Variants in ASIC2 observed in about 807,000 individuals in gnomAD.
ASIC2 encodes the protein acid-sensing ion channel 2.
ASIC2 carries 25 observed loss-of-function variants against 57.3 expected under a neutral mutation model. That is an observed-to-expected ratio of 0.44 (90% CI 0.32 to 0.61). The LOEUF is 0.61. ASIC2 is among the 20% of genes least tolerant of loss of function. The probability of loss-of-function intolerance (pLI) is 0.06; values close to 1 mark genes in which losing one functional copy is unlikely to be tolerated. For synonymous variants in ASIC2, 319 were observed against 307.5 expected (o/e 1.04, Z -0.39); for missense variants, 641 against 738.1 (o/e 0.87, Z 1.52).
chr17:34,154,300 C>T (rs995854497), intron 1 of ASIC2, among the ~76,000 whole-genome samples: 1 of 152,222 alleles, frequency 6.6e-6, no homozygotes, highest in African/African-American at 2.4e-5. Flanking sequence ...CCTCAAGCCA[C>T]CTAAGACATC....
intron 1 of ASIC2, among the ~76,000 whole-genome samples, chr17:33,477,947 A>C (rs1913283000): frequency 6.6e-6 from 1 of 152,218 alleles, no homozygotes; most frequent in Admixed American, 6.5e-5. Flanking sequence ...TGGTTGGAAA[A>C]GTAGCCTGGG....
In ASIC2 at chr17:33,292,875, C is replaced by G; in HGVS notation, c.-760G>C. 4 of 985,542 alleles carry G rather than the reference C, an allele frequency of 4.1e-6. No individual in the cohort carries two copies. Among genetic ancestry groups the G allele is most frequent in the Non-Finnish European group, 4.8e-6 (4 of 829,996 alleles). The allele number at this position is 985,542 out of a possible 1,614,324, so 61.0% of individuals were successfully genotyped here. Reference sequence around the variant, plus strand: ...CTAAGTCCTGCCAGGCGCCCGCTCTCGCCTGGGGCTGAGAGCTTCTCAGGG... The same window carrying G: ...CTAAGTCCTGCCAGGCGCCCGCTCTGGCCTGGGGCTGAGAGCTTCTCAGGG... On this transcript the variant is annotated 5_prime_UTR_variant, in exon 1 of 10. Transcript: ENST00000225823.
chr17:33,096,256 A>G (rs2092178959), intron 2 of ASIC2, among the ~76,000 whole-genome samples: 2 of 152,194 alleles, frequency 1.3e-5, no homozygotes, highest in Admixed American at 1.3e-4. Flanking sequence ...TAAGGACAAG[A>G]CCCAGAGCTG....
intron 1 of ASIC2, among the ~76,000 whole-genome samples, chr17:33,902,611 C>A (rs1444357649): frequency 2.0e-5 from 3 of 152,274 alleles, no homozygotes; most frequent in Admixed American, 2.0e-4. Flanking sequence ...CGGGCTGGGG[C>A]AGGTTCCAGG....
chr17:33,847,384 C>T (rs1597900701), intron 1 of ASIC2, among the ~76,000 whole-genome samples: 1 of 152,040 alleles, frequency 6.6e-6, no homozygotes, highest in East Asian at 1.9e-4. Flanking sequence ...GGGGAACAGG[C>T]CTTGCAGACA....
At chr17:33,347,735 C>T (rs1908007328) in intron 1 of ASIC2, among the ~76,000 whole-genome samples, 1 of 152,066 alleles carries the variant, frequency 6.6e-6, no homozygotes, top group Non-Finnish European at 1.5e-5. Context: ...CAACATTTTT[C>T]AAAGGTGATG....
At chr17:33,089,987 A>C (rs1295412049) in intron 2 of ASIC2, among the ~76,000 whole-genome samples, 1 of 152,192 alleles carries the variant, frequency 6.6e-6, no homozygotes, top group East Asian at 1.9e-4. Context: ...AACAGTCTAC[A>C]GAATGAGCTC....
chr17:34,046,793 G>T (rs1478082827), intron 1 of ASIC2, among the ~76,000 whole-genome samples: 1 of 152,150 alleles, frequency 6.6e-6, no homozygotes, highest in Non-Finnish European at 1.5e-5. Flanking sequence ...GATTGTAAAA[G>T]AAGAGTAATA....
At chr17:34,142,904 T>G (rs910465345) in intron 1 of ASIC2, 2 of 152,200 alleles carry the variant, frequency 1.3e-5, no homozygotes, top group Admixed American at 1.3e-4. Context: ...AGCCCACTAG[T>G]TGGCAACTTG....
intron 1 of ASIC2, among the ~76,000 whole-genome samples, chr17:33,837,698 A>G (rs1311301585): frequency 2.0e-5 from 3 of 152,138 alleles, no homozygotes; most frequent in Non-Finnish European, 4.4e-5. Context: ...CATTCTCTAC[A>G]GGGCTTAAAT....
At chr17:33,173,551 C>T (rs538005013) in intron 1 of ASIC2, among the ~76,000 whole-genome samples, 34 of 152,258 alleles carry the variant, frequency 2.2e-4, no homozygotes, top group African/African-American at 7.2e-4. Flanking sequence ...AAAGAAAGTG[C>T]CACCCATGGC....
chr17:33,298,267 TC>T (rs113743144), upstream of ASIC2, among the ~76,000 whole-genome samples: 56 of 152,030 alleles, frequency 3.7e-4, no homozygotes, highest in African/African-American at 1.3e-3. Context: ...CCTCCCCACT[TC>T]CCCCACCCCA....
intron 1 of ASIC2, among the ~76,000 whole-genome samples, chr17:33,124,863 C>T (rs2092317041): frequency 6.6e-6 from 1 of 152,154 alleles, no homozygotes; most frequent in Admixed American, 6.5e-5. Flanking sequence ...ACTAGACAGT[C>T]CTATCTGGGG....
At chr17:33,212,352 T>C (rs934340597) in intron 1 of ASIC2, among the ~76,000 whole-genome samples, 1 of 152,078 alleles carries the variant, frequency 6.6e-6, no homozygotes, top group South Asian at 2.1e-4. Flanking sequence ...GCACCTACGA[T>C]GGAAGCAAAG....
At chr17:33,381,222 G>A (rs931795) in intron 1 of ASIC2, among the ~76,000 whole-genome samples, 19,532 of 152,234 alleles carry the variant, frequency 0.13, 3,172 homozygotes, top group African/African-American at 0.38. Context: ...AAAGCTAGCC[G>A]TGTTATTTAC....
intron 1 of ASIC2, among the ~76,000 whole-genome samples, chr17:33,192,989 C>G (rs1273439948): frequency 1.3e-5 from 2 of 152,210 alleles, no homozygotes; most frequent in Non-Finnish European, 2.9e-5. Flanking sequence ...TGCTCACCAC[C>G]TGTGGTCTGG....
intron 1 of ASIC2, among the ~76,000 whole-genome samples, chr17:33,356,184 C>T (rs1214992940): frequency 6.6e-6 from 1 of 152,156 alleles, no homozygotes; most frequent in African/African-American, 2.4e-5. Flanking sequence ...ATGAGGCTGG[C>T]CCCTGAGTGA....
At chr17:33,493,216 G>A (rs1238603198) in intron 1 of ASIC2, among the ~76,000 whole-genome samples, 2 of 152,316 alleles carry the variant, frequency 1.3e-5, no homozygotes, top group African/African-American at 4.8e-5. Context: ...ACCGAAGGCT[G>A]GGCTTAGTCT....
chr17:33,101,001 T>C (rs776599449), intron 2 of ASIC2, among the ~76,000 whole-genome samples: 5 of 152,252 alleles, frequency 3.3e-5, no homozygotes, highest in Non-Finnish European at 7.3e-5. Flanking sequence ...GCATCATTTC[T>C]TTAGAGTCCT....
Sources: gnomAD v4.1 joint callset for allele counts (sites outside exome capture counted in the v4.1 genomes callset) on GRCh38, gnomAD v4.1.1 for gene constraint, MANE v1.5 for transcripts, NCBI Gene and HGNC (gene_info 2026-07-23, HGNC 2026-07-21) for gene names.